The following DMRT1 variants were observed in gnomAD, a reference collection of about 807,000 sequenced individuals.
DMRT1 encodes doublesex and mab-3 related transcription factor 1, also known as doublesex- and mab-3-related transcription factor 1.
In DMRT1, 7 loss-of-function variants were observed where a neutral mutation model predicts 32.3. That is an observed-to-expected ratio of 0.22 (90% confidence interval 0.12 to 0.41). DMRT1 has a LOEUF of 0.41. Among genes scored for constraint, DMRT1 ranks in the 10% least tolerant of loss-of-function variants. DMRT1 has a pLI of 1.00. For synonymous variants in DMRT1, 278 were observed against 206.1 expected, an observed-to-expected ratio of 1.35 and a Z score of -2.99; for missense variants, 625 against 500.5, an observed-to-expected ratio of 1.25 and a Z score of -2.37.
At chr9:857,583 T>A (rs1241471003) in intron 2 of DMRT1, among the ~76,000 whole-genome samples, 1 of 152,158 alleles carries the variant, frequency 6.6e-6, no homozygotes, top group African/African-American at 2.4e-5. Context: ...AGAATTCTGT[T>A]GCCCTAAAAC....
intron 2 of DMRT1, among the ~76,000 whole-genome samples, chr9:882,779 T>TTG (rs59996611): frequency 6.8e-6 from 1 of 147,628 alleles, no homozygotes; most frequent in African/African-American, 2.6e-5. Flanking sequence ...TTTTTTTTTT[T>TTG]GTCTGTCTGA....
chr9:950,345 A>C (rs1169451314), intron 4 of DMRT1, among the ~76,000 whole-genome samples: 1 of 152,128 alleles, frequency 6.6e-6, no homozygotes, highest in Non-Finnish European at 1.5e-5. Context: ...AGCAGGAGGC[A>C]GCGTGAGGAA....
intron 2 of DMRT1, among the ~76,000 whole-genome samples, chr9:848,327 T>C (rs995838831): frequency 2.0e-5 from 3 of 152,164 alleles, no homozygotes; most frequent in Non-Finnish European, 1.5e-5. Flanking sequence ...AAAGATCTTA[T>C]GAATCTTGGC....
At chr9:849,659 C>T (rs1008252888) in intron 2 of DMRT1, among the ~76,000 whole-genome samples, 3 of 152,190 alleles carry the variant, frequency 2.0e-5, no homozygotes, top group African/African-American at 2.4e-5. Context: ...CCCTTCCTCA[C>T]CTGTGGAGTT....
chr9:899,216 A>G (rs1289175930), intron 3 of DMRT1, among the ~76,000 whole-genome samples: 1 of 152,206 alleles, frequency 6.6e-6, no homozygotes, highest in African/African-American at 2.4e-5. Context: ...AATTTGTATT[A>G]AAACCAACAA....
intron 3 of DMRT1, 51 bp downstream of exon 3, chr9:894,246 C>G: frequency 6.3e-7 from 1 of 1,580,876 alleles, no homozygotes; most frequent in Middle Eastern, 2.3e-4. Context: ...AAGCCACATG[C>G]ATGTGCACAC....
At chr9:917,369 A>G (rs1318552914) in intron 4 of DMRT1, among the ~76,000 whole-genome samples, 1 of 152,236 alleles carries the variant, frequency 6.6e-6, no homozygotes, top group Non-Finnish European at 1.5e-5. Context: ...CTCAGAGTTT[A>G]TGCAGTAGCA....
At position 841,874 on chromosome 9, in the gene DMRT1, A is replaced by G. The variant is rs753429902; in HGVS notation, c.36A>G (p.Thr12=). 6.2e-7 allele frequency: 1 copy of G among 1,612,558 alleles called. No individual in the cohort carries two copies. Among genetic ancestry groups the G allele is most frequent in the South Asian group, 1.1e-5 (1 of 90,938 alleles). ...PNDEAFSKPS[T]PSEAPHAPGV... Reference sequence around the variant, plus strand: ...ACGAGGCATTCAGCAAGCCCTCTACACCGTCGGAAGCCCCTCACGCCCCCG... The same window carrying G: ...ACGAGGCATTCAGCAAGCCCTCTACGCCGTCGGAAGCCCCTCACGCCCCCG... The change falls in exon 1 of 5, where the codon ACA becomes ACG. Residue 12 remains threonine (T), a synonymous_variant. Coordinates refer to ENST00000382276, the MANE Select transcript of DMRT1 (RefSeq NM_021951.3).
intron 1 of DMRT1, among the ~76,000 whole-genome samples, chr9:845,406 C>G (rs1589440113): frequency 6.6e-6 from 1 of 151,952 alleles, no homozygotes; most frequent in East Asian, 1.9e-4. Flanking sequence ...TGGGGTTTCA[C>G]CATATTGGTC....
intron 2 of DMRT1, among the ~76,000 whole-genome samples, chr9:867,003 A>C (rs1816020967): frequency 6.6e-6 from 1 of 152,276 alleles, no homozygotes; most frequent in Middle Eastern, 3.4e-3. Context: ...TAAAAGATGT[A>C]GATAAACTAG....
rs1407950101 is a variant in DMRT1, at chr9:965,268, T to C, written c.968-2717T>C. On this transcript the variant is annotated intron_variant, in intron 4 of 4. Transcript: ENST00000382276. This position sits in a 1 kb window ranked among gnomAD's most constrained non-coding sequence, Gnocchi z 4.5. The stretch of plus-strand genomic sequence containing the variant: ...TCAACAGCCTATTATTTAAAAACAA[T>C]GCTAAGCCTTGAACAAATGTAAAAA... 2.6e-5 allele frequency among the ~76,000 whole-genome samples: 4 copies of C among 152,336 alleles called. No homozygotes were observed. Among genetic ancestry groups the C allele is most frequent in the South Asian group, 2.1e-4 (1 of 4,830 alleles).
chr9:900,160 C>CGTTGTGTA, intron 3 of DMRT1, among the ~76,000 whole-genome samples: 1 of 48,222 alleles, frequency 2.1e-5, no homozygotes, highest in African/African-American at 4.6e-5. Flanking sequence ...TTGCCTAAAC[C>CGTTGTGTA]TTTCTACAGG....
At chr9:928,663 C>G (rs963688708) in intron 4 of DMRT1, among the ~76,000 whole-genome samples, 1 of 152,060 alleles carries the variant, frequency 6.6e-6, no homozygotes, top group Admixed American at 6.5e-5. Flanking sequence ...TAGTTTTTTA[C>G]CAGGGTGGGT....
At chr9:854,350 TC>T (rs1487704713) in intron 2 of DMRT1, among the ~76,000 whole-genome samples, 2 of 151,934 alleles carry the variant, frequency 1.3e-5, no homozygotes, top group Non-Finnish European at 2.9e-5. Flanking sequence ...AGTGGCGTGA[TC>T]TTGACTCACT....
At chr9:879,561 T>A (rs963994481) in intron 2 of DMRT1, among the ~76,000 whole-genome samples, 13 of 152,222 alleles carry the variant, frequency 8.5e-5, no homozygotes, top group African/African-American at 2.9e-4. Context: ...GGTAGAAGTA[T>A]TTTAATAGCC....
intron 4 of DMRT1, among the ~76,000 whole-genome samples, chr9:954,646 T>C (rs1327173128): frequency 6.6e-6 from 1 of 152,020 alleles, no homozygotes; most frequent in East Asian, 1.9e-4. Flanking sequence ...GGCTTTATTT[T>C]ATTATTATTA....
intron 2 of DMRT1, among the ~76,000 whole-genome samples, chr9:861,265 G>T (rs1409271686): frequency 6.6e-6 from 1 of 151,886 alleles, no homozygotes; most frequent in Non-Finnish European, 1.5e-5. Flanking sequence ...GAGTGGTGAT[G>T]ACTCTTAAGG....
At chr9:880,763 G>T (rs1816704320) in intron 2 of DMRT1, among the ~76,000 whole-genome samples, 1 of 148,776 alleles carries the variant, frequency 6.7e-6, no homozygotes, top group Admixed American at 6.8e-5. Context: ...AGGAAAAAAA[G>T]TATACTTGGG....
At position 965,739 on chromosome 9, in the gene DMRT1, G is replaced by A. The variant is rs867649091; in HGVS notation, c.968-2246G>A. ...TGCTTTGCCTCCTTAAACTCACACA[G>A]GGATTGGGAAGGTTCAGCTGCCAGT... On this transcript the variant is annotated intron_variant, in intron 4 of 4. Transcript: ENST00000382276. The surrounding 1 kb of genome is among the most constrained non-coding windows in gnomAD (Gnocchi z 4.5). Among the ~76,000 whole-genome samples, 2 of 152,210 alleles carry A rather than the reference G, an allele frequency of 1.3e-5. No homozygotes were observed. The highest frequency in any genetic ancestry group is 6.5e-5 in the Admixed American group (1 of 15,284).
Sources: allele counts gnomAD v4.1 joint callset (sites outside exome capture counted in the v4.1 genomes callset), GRCh38; gene constraint gnomAD v4.1.1; non-coding constraint Gnocchi (gnomAD v3.1); transcripts MANE v1.5; gene names NCBI Gene and HGNC (gene_info 2026-07-23, HGNC 2026-07-21).